The following UGDH variants were observed in gnomAD, a reference collection of about 807,000 sequenced individuals.
UGDH encodes the protein UDP-glucose 6-dehydrogenase, also known as UDP-Glc dehydrogenase.
A neutral mutation model predicts 50.6 loss-of-function variants in UGDH; 38 were observed. The ratio of observed to expected loss-of-function variants is 0.75; its 90% CI spans 0.58 to 0.98. The LOEUF (loss-of-function observed/expected upper bound fraction) is 0.98, where lower values mean the gene tolerates loss of function less well. Ranked by LOEUF, UGDH falls within the 50% of genes least tolerant of loss-of-function variation. The pLI is 0.00. For synonymous variants in UGDH, 168 were observed against 199.9 expected (o/e 0.84, Z 1.35); for missense variants, 465 against 606.2 (o/e 0.77, Z 2.45).
rs933917531 is a variant in UGDH, at chr4:39,510,237, T to G, written c.663+116A>C. The stretch of plus-strand genomic sequence containing the variant: ...ATAATTTGAATGTGCAAGAATATGA[T>G]CTTCAAAAGCATAACCTCTTACTAC... On this transcript the variant is annotated intron_variant, in intron 5 of 11. Transcript: ENST00000316423. 23 of 1,040,270 alleles carry G rather than the reference T, an allele frequency of 2.2e-5. No homozygotes were observed. In the African/African-American group the frequency reaches 3.4e-4, roughly 15 times the overall value. The allele number at this position is 1,040,270 out of a possible 1,614,324, so 64.4% of individuals were successfully genotyped here.
chr4:39,508,084 A>C (rs1746096745), intron 7 of UGDH, among the ~76,000 whole-genome samples: 1 of 152,234 alleles, frequency 6.6e-6, no homozygotes, highest in South Asian at 2.1e-4. Flanking sequence ...AAAAACACAG[A>C]TACCCAATAA....
chr4:39,515,203 G>A (rs1441957327), intron 2 of UGDH, among the ~76,000 whole-genome samples: 1 of 152,158 alleles, frequency 6.6e-6, no homozygotes, highest in Non-Finnish European at 1.5e-5. Flanking sequence ...ACAATCAGAA[G>A]AGCAGCTCAT....
intron 1 of UGDH, among the ~76,000 whole-genome samples, chr4:39,522,191 G>A (rs1022810538): frequency 6.6e-6 from 1 of 152,128 alleles, no homozygotes; most frequent in African/African-American, 2.4e-5. Flanking sequence ...AGAAAAGTGG[G>A]TTACACAGAT....
intron 2 of UGDH, among the ~76,000 whole-genome samples, chr4:39,519,137 G>A (rs902339947): frequency 6.6e-6 from 1 of 151,436 alleles, no homozygotes; most frequent in Non-Finnish European, 1.5e-5. Context: ...GGCTGGTTTC[G>A]AACTCATGAC....
intron 5 of UGDH, 94 bp from the exon 6 acceptor site, chr4:39,510,001 G>A: frequency 7.3e-7 from 1 of 1,376,846 alleles, no homozygotes. Flanking sequence ...GCAAATTACT[G>A]AGGGAGATAT....
chr4:39,527,221 T>C, intron 1 of UGDH, 62 bp downstream of exon 1: 2 of 948,026 alleles, frequency 2.1e-6, no homozygotes, highest in South Asian at 2.9e-5. Flanking sequence ...TCCCTCCACA[T>C]CCCGCCCAGA....
At chr4:39,512,878 A>T (rs1008601305) in intron 3 of UGDH, among the ~76,000 whole-genome samples, 9 of 148,300 alleles carry the variant, frequency 6.1e-5, no homozygotes, top group African/African-American at 1.5e-4. Context: ...GCTGGAGTGC[A>T]AGGTACAATA....
chr4:39,527,002 C>G, intron 1 of UGDH: 1 of 1,289,038 alleles, frequency 7.8e-7, no homozygotes, highest in Non-Finnish European at 1.0e-6. Context: ...AAATCTCATC[C>G]AAGTCAGGAA....
At chr4:39,525,811 C>A (rs1372152230) in intron 1 of UGDH, among the ~76,000 whole-genome samples, 2 of 152,224 alleles carry the variant, frequency 1.3e-5, no homozygotes, top group Admixed American at 1.3e-4. Context: ...GCCCGGCCCC[C>A]ATTTTCTATT....
At chr4:39,521,310 AG>A in intron 2 of UGDH, 40 bp downstream of exon 2, 1 of 1,540,210 alleles carries the variant, frequency 6.5e-7, no homozygotes, top group Non-Finnish European at 8.8e-7. Flanking sequence ...AAAGACAGTA[AG>A]AAAAAAGCAT....
chr4:39,499,948 T>A lies in UGDH; in HGVS notation c.*195A>T. 1 of 395,204 alleles carries A rather than the reference T, an allele frequency of 2.5e-6. No individual in the cohort carries two copies. Among genetic ancestry groups the A allele is most frequent in the East Asian group, 3.8e-5 (1 of 26,026 alleles). 24.5% of individuals were successfully genotyped at this position (395,204 alleles called of 1,614,324 possible). A position where few individuals can be genotyped will look rare whatever the true frequency, so the allele number is the denominator to read the frequency against. ...GGGAGGCTGAGCCAGGAGAATGGCG[T>A]GAACCTGGGAAGCAGAGCTTGCAGT... On this transcript the variant is annotated 3_prime_UTR_variant, in exon 12 of 12. Transcript: ENST00000316423.
rs775180772 is a variant in UGDH at position 39,505,346 on chromosome 4, G to A, written c.1062C>T (p.Ser354=). 7 of 1,576,936 alleles carry A rather than the reference G, an allele frequency of 4.4e-6. No homozygotes were observed. The highest frequency in any genetic ancestry group is 4.6e-5 in the East Asian group (2 of 43,740). Residue 354 remains serine, a synonymous_variant, in exon 9 of 12, where the codon AGC becomes AGT. Transcript: ENST00000316423. The part of the protein sequence containing the change: ...DTRESSSIYI[S]KYLMDEGAHL... ...GTGCACCTTCATCCATCAAATATTT[G>A]CTAATATATATACTAGAAGATTCTC...
At chr4:39,524,619 A>C (rs1471696804) in intron 1 of UGDH, among the ~76,000 whole-genome samples, 1 of 151,632 alleles carries the variant, frequency 6.6e-6, no homozygotes, top group African/African-American at 2.4e-5. Context: ...TCTCCCACCT[A>C]GCCTCCCAAG....
At chr4:39,523,971 C>T (rs1310791925) in intron 1 of UGDH, among the ~76,000 whole-genome samples, 1 of 152,164 alleles carries the variant, frequency 6.6e-6, no homozygotes, top group Non-Finnish European at 1.5e-5. Flanking sequence ...CTTGTATATC[C>T]TCCCAGCTAC....
In UGDH at chr4:39,499,983, T is replaced by C. The variant is rs543695037; in HGVS notation, c.*160A>G. On this transcript the variant is annotated 3_prime_UTR_variant, in exon 12 of 12. Transcript: ENST00000316423. Reference sequence around the variant, plus strand: ...AAGCAGAGCTTGCAGTGAGCCGAGATTGCACCACTGCACTCCAGCCTGGGC... The same window carrying C: ...AAGCAGAGCTTGCAGTGAGCCGAGACTGCACCACTGCACTCCAGCCTGGGC... The C allele has an allele frequency of 8.4e-6, 4 of 474,682 alleles. No homozygotes were observed. The East Asian group carries it at 1.3e-4, about 15-fold the overall frequency. 29.4% of individuals were successfully genotyped at this position (474,682 alleles called of 1,614,324 possible).
rs1745978440 is a variant in UGDH at position 39,505,226 on chromosome 4, CAA to C, written c.1171+9_1171+10del. 4 of 1,583,828 alleles carry C rather than the reference CAA, an allele frequency of 2.5e-6. No individual in the cohort carries two copies. The East Asian group carries it at 9.2e-5, about 36-fold the overall frequency. On this transcript the variant is annotated intron_variant, in intron 9 of 11. Coordinates refer to ENST00000316423, the MANE Select transcript of UGDH (RefSeq NM_003359.4). ...TGGACTCAAAATGATTCATGAGACT[CAA>C]AGCCTTACCTTGGTCATCCTCTGAA...
intron 3 of UGDH, 134 bp downstream of exon 3, chr4:39,513,949 A>C: frequency 3.0e-6 from 2 of 676,802 alleles, no homozygotes; most frequent in Admixed American, 3.5e-5. Flanking sequence ...CAAAGTGACA[A>C]CCAAAATTCA....
At chr4:39,524,657 C>T (rs1357819184) in intron 1 of UGDH, among the ~76,000 whole-genome samples, 4 of 152,004 alleles carry the variant, frequency 2.6e-5, no homozygotes, top group African/African-American at 9.7e-5. Context: ...TACAGGTGTC[C>T]GCCACCATGT....
chr4:39,525,664 G>A (rs1044130028), intron 1 of UGDH, among the ~76,000 whole-genome samples: 1 of 144,048 alleles, frequency 6.9e-6, no homozygotes, highest in African/African-American at 2.8e-5. Flanking sequence ...CCGCCACTAC[G>A]CCCGGCTAAT....
Sources: allele counts gnomAD v4.1 joint callset (sites outside exome capture counted in the v4.1 genomes callset), GRCh38; gene constraint gnomAD v4.1.1; transcripts MANE v1.5; gene names NCBI Gene and HGNC (gene_info 2026-07-23, HGNC 2026-07-21).